REV3L: variants seen among roughly 807,000 people sequenced by gnomAD.
The protein encoded by REV3L is DNA polymerase zeta catalytic subunit.
In REV3L, 69 loss-of-function variants were observed where a neutral mutation model predicts 299.4. The ratio of observed to expected loss-of-function variants is 0.23; its 90% CI spans 0.19 to 0.28. REV3L has a LOEUF of 0.28. Ranked by LOEUF, REV3L falls within the 10% of genes least tolerant of loss-of-function variation. The pLI, the probability that REV3L is intolerant of heterozygous loss-of-function variation, is 1.00. For synonymous variants in REV3L, 1,238 were observed against 1,271.4 expected (o/e 0.97, Z 0.56); for missense variants, 3,128 against 3,693.8 (o/e 0.85, Z 3.97).
intron 1 of REV3L, among the ~76,000 whole-genome samples, chr6:111,464,143 C>CCTGAACTAA (rs1456332550): frequency 6.6e-6 from 1 of 151,970 alleles, no homozygotes; most frequent in Non-Finnish European, 1.5e-5. Flanking sequence ...TTCAGGTTAT[C>CCTGAACTAA]CATAAATATG....
chr6:111,450,575 A>G (rs1194060548), intron 1 of REV3L, among the ~76,000 whole-genome samples: 1 of 151,562 alleles, frequency 6.6e-6, no homozygotes, highest in Admixed American at 6.6e-5. Context: ...AAGTTCCTGC[A>G]GTGGAGGGTA....
intron 13 of REV3L, among the ~76,000 whole-genome samples, chr6:111,370,855 C>CCTA: frequency 6.6e-6 from 1 of 152,240 alleles, no homozygotes; most frequent in South Asian, 2.1e-4. Context: ...AATCGATGAA[C>CCTA]CTATGTTGAC....
rs1261054484 is a variant in REV3L at position 111,299,885 on chromosome 6, A to G, written c.*131T>C. On this transcript the variant is annotated 3_prime_UTR_variant, in exon 32 of 32. Coordinates refer to ENST00000368802, the MANE Select transcript of REV3L (RefSeq NM_001372078.1). ...GTACATTTTAATTCGGTTAGCATAG[A>G]AGTCTTCATAGTCTTCAGATAACAG... 4.8e-6 allele frequency: 4 copies of G among 826,338 alleles called. No homozygotes were observed. Among genetic ancestry groups the G allele is most frequent in the Admixed American group, 5.5e-5 (2 of 36,586 alleles). 51.2% of individuals were successfully genotyped at this position (826,338 alleles called of 1,614,324 possible).
rs1362050096 is a variant in REV3L at position 111,376,319 on chromosome 6, G to A, written c.2036C>T (p.Thr679Ile). The A allele has an allele frequency of 5.6e-6, 9 of 1,613,030 alleles. No individual in the cohort carries two copies. The highest frequency in any genetic ancestry group is 5.5e-5 in the South Asian group (5 of 90,908). Residue 679 changes from threonine to isoleucine, a missense_variant, in exon 13 of 32, where the codon ACA becomes ATA. Coordinates refer to ENST00000368802, the MANE Select transcript of REV3L (RefSeq NM_001372078.1). ...VTRQVPSRKY[T>I]NIRKIEKDSP... ...ATCCTTTTCGATTTTTCTAATGTTTGTATATTTTCTACTTGGTACTTGTCT... is the reference window on the plus strand; with the variant it reads ...ATCCTTTTCGATTTTTCTAATGTTTATATATTTTCTACTTGGTACTTGTCT...
Position 111,431,241 on chromosome 6 carries a change from CA to C in REV3L, c.140-14770del, listed in dbSNP as rs1251341118. Reference sequence around the variant, plus strand: ...ATGTTTTAACAAAAGGAGGGCATTCCAGGACCCTACAAGAGATTTAGATGTC... The same window carrying C: ...ATGTTTTAACAAAAGGAGGGCATTCCGGACCCTACAAGAGATTTAGATGTC... On this transcript the variant is annotated intron_variant, in intron 1 of 31. Transcript: ENST00000368802. 2.6e-6 allele frequency: 4 copies of C among 1,539,266 alleles called. No individual in the cohort carries two copies. The African/African-American group carries it at 5.5e-5, about 21-fold the overall frequency.
chr6:111,470,236 G>A (rs911479728), intron 1 of REV3L, among the ~76,000 whole-genome samples: 6 of 151,106 alleles, frequency 4.0e-5, no homozygotes, highest in Non-Finnish European at 8.8e-5. Flanking sequence ...ATATATTCAC[G>A]GTCACTGTCA....
intron 9 of REV3L, among the ~76,000 whole-genome samples, chr6:111,382,160 G>A (rs1780895712): frequency 6.6e-6 from 1 of 151,992 alleles, no homozygotes; most frequent in African/African-American, 2.4e-5. Flanking sequence ...TAGTCCATGT[G>A]GCCATATGGA....
At chr6:111,365,374 T>C (rs1216028889) in intron 14 of REV3L, 30 bp from the exon 15 acceptor site, 6 of 1,289,466 alleles carry the variant, frequency 4.7e-6, no homozygotes, top group Non-Finnish European at 4.3e-6. Context: ...ATTTAACATG[T>C]ATATCAAAAT....
At chr6:111,338,905 G>C (rs1279975025) in intron 21 of REV3L, among the ~76,000 whole-genome samples, 3 of 152,092 alleles carry the variant, frequency 2.0e-5, no homozygotes, top group Admixed American at 1.3e-4. Context: ...TTGGTTGACA[G>C]CACAGACTTT....
chr6:111,419,695 G>C (rs1785109293), intron 1 of REV3L, among the ~76,000 whole-genome samples: 1 of 152,194 alleles, frequency 6.6e-6, no homozygotes, highest in African/African-American at 2.4e-5. Flanking sequence ...TCAACATCTA[G>C]TTAGTGGTCT....
intron 21 of REV3L, among the ~76,000 whole-genome samples, chr6:111,343,207 T>C (rs1776700343): frequency 6.6e-6 from 1 of 152,222 alleles, no homozygotes; most frequent in Non-Finnish European, 1.5e-5. Flanking sequence ...GGGTAAGTTA[T>C]ATTCATATAA....
Position 111,374,891 on chromosome 6 carries a change from A to G in REV3L, c.3464T>C (p.Val1155Ala), listed in dbSNP as rs1261287412. Reference protein sequence around the residue: ...KEAMLFKGPNVYKKTVNSRIG... With the variant: ...KEAMLFKGPNAYKKTVNSRIG... ...ACGAGAATTAACAGTCTTCTTATAT[A>G]CATTAGGACCCTTAAAAAGCATTGC... The change falls in exon 13 of 32, where the codon GTA becomes GCA. Residue 1155 changes from valine to alanine, a missense_variant. By Grantham distance (64) the Val-to-Ala change is moderately conservative. This residue lies in a region of REV3L where 2,409 missense variants were observed against 2,611.8 expected (regional missense o/e 0.92). Coordinates refer to ENST00000368802, the MANE Select transcript of REV3L (RefSeq NM_001372078.1). 5 of 1,613,660 alleles carry G rather than the reference A, an allele frequency of 3.1e-6. No homozygotes were observed. The highest frequency in any genetic ancestry group is 1.1e-5 in the South Asian group (1 of 90,936).
intron 6 of REV3L, among the ~76,000 whole-genome samples, chr6:111,389,537 T>C (rs1000817738): frequency 2.6e-5 from 4 of 152,126 alleles, no homozygotes; most frequent in African/African-American, 9.7e-5. Flanking sequence ...GCTAATTTTA[T>C]TTAGTGTCAC....
intron 23 of REV3L, 65 bp downstream of exon 23, chr6:111,333,058 G>A (rs1775553276): frequency 1.9e-6 from 3 of 1,572,660 alleles, no homozygotes; most frequent in South Asian, 2.3e-5. Flanking sequence ...CACTCAGAAA[G>A]TGTCTAATTT....
chr6:111,477,215 A>G (rs1425548293), intron 1 of REV3L, among the ~76,000 whole-genome samples: 1 of 152,218 alleles, frequency 6.6e-6, no homozygotes, highest in African/African-American at 2.4e-5. Context: ...CTCTGTGATG[A>G]TTATCATCTA....
chr6:111,307,795 C>A (rs1195716852), intron 30 of REV3L: 5 of 520,066 alleles, frequency 9.6e-6, no homozygotes, highest in Non-Finnish European at 1.7e-5. Context: ...TTATCAGATA[C>A]ATTTTTTTTT....
intron 26 of REV3L, among the ~76,000 whole-genome samples, chr6:111,320,373 CTT>C (rs1317040674): frequency 6.6e-6 from 1 of 152,032 alleles, no homozygotes; most frequent in Non-Finnish European, 1.5e-5. Context: ...GCCAGGAACT[CTT>C]TTTCACTCCA....
Position 111,373,829 on chromosome 6 carries a change from C to T in REV3L, c.4526G>A (p.Cys1509Tyr), listed in dbSNP as rs1780033428. 1 of 1,614,154 alleles carries T rather than the reference C, an allele frequency of 6.2e-7. No individual in the cohort carries two copies. The highest frequency in any genetic ancestry group is 1.1e-5 in the South Asian group (1 of 91,082). The change falls in exon 13 of 32, where the codon TGT (cysteine) becomes TAT (tyrosine). Residue 1509 changes from cysteine to tyrosine, a missense_variant. Transcript: ENST00000368802. ...AGGTGTTGACACATTTCGATTTTTA[C>T]ACTGAGAAAGTGCTTTGGTTTGTGA... ...AISQTKALSQ[C>Y]KNRNVSTPSA...
intron 4 of REV3L, among the ~76,000 whole-genome samples, chr6:111,400,434 T>C (rs911339914): frequency 6.6e-6 from 1 of 152,222 alleles, no homozygotes; most frequent in African/African-American, 2.4e-5. Flanking sequence ...CTAATAGGTA[T>C]ATAGTGGTAG....
Sources: allele counts gnomAD v4.1 joint callset (sites outside exome capture counted in the v4.1 genomes callset), GRCh38; gene constraint gnomAD v4.1.1; regional missense constraint gnomAD v4.1.1; transcripts MANE v1.5; gene names NCBI Gene and HGNC (gene_info 2026-07-23, HGNC 2026-07-21).